The following KIFC1 variants were observed in gnomAD, a reference collection of about 807,000 sequenced individuals.
KIFC1 encodes kinesin-like protein KIFC1.
A neutral mutation model predicts 66.6 loss-of-function variants in KIFC1; 37 were observed. The ratio of observed to expected loss-of-function variants is 0.56; its 90% CI spans 0.43 to 0.73. The LOEUF is 0.73. Ranked by LOEUF, KIFC1 falls within the 30% of genes least tolerant of loss-of-function variation. KIFC1 has a pLI of 0.00. For synonymous variants in KIFC1, 325 were observed against 343.5 expected, an observed-to-expected ratio of 0.95 and a Z score of 0.60; for missense variants, 721 against 859.8, an observed-to-expected ratio of 0.84 and a Z score of 2.02.
chr6:33,402,852 T>C (rs375819493), intron 3 of KIFC1, among the ~76,000 whole-genome samples: 22 of 152,168 alleles, frequency 1.4e-4, no homozygotes, highest in African/African-American at 5.1e-4. Context: ...TTGGGCGTGG[T>C]GGCGCATACC....
chr6:33,408,990 A>C (rs1241989561), intron 10 of KIFC1, among the ~76,000 whole-genome samples: 1 of 152,110 alleles, frequency 6.6e-6, no homozygotes, highest in Non-Finnish European at 1.5e-5. Context: ...AACACGGTGA[A>C]ACCCCGTCTC....
intron 1 of KIFC1, 41 bp downstream of exon 1, chr6:33,392,038 G>A (rs1029619514): frequency 6.2e-7 from 1 of 1,608,460 alleles, no homozygotes; most frequent in South Asian, 1.1e-5. Flanking sequence ...TGGGGATGGG[G>A]ACGAAGGCTG....
chr6:33,409,705 CT>C lies in KIFC1; in HGVS notation c.*16del. On this transcript the variant is annotated 3_prime_UTR_variant, in exon 11 of 11. Coordinates refer to ENST00000428849, the MANE Select transcript of KIFC1 (RefSeq NM_002263.4). ...ACAGGAAGTGAAGACGGATCCAGAT[CT>C]GTGTGTGTGTGTGTGTGTGTGTGTG... 1.6e-6 allele frequency: 2 copies of C among 1,261,060 alleles called. No individual in the cohort carries two copies. The highest frequency in any genetic ancestry group is 2.2e-6 in the Non-Finnish European group (2 of 911,106). 78.1% of individuals were successfully genotyped at this position (1,261,060 alleles called of 1,614,324 possible). A position where few individuals can be genotyped will look rare whatever the true frequency, so the allele number is the denominator to read the frequency against.
chr6:33,405,732 T>G lies in KIFC1; in HGVS notation c.1536+101T>G. The stretch of plus-strand genomic sequence containing the variant: ...AAAGGAGCAAGAGAGAATTGAAGGA[T>G]GAAGTGCAAGTTATCAGGCTGGGTT... On this transcript the variant is annotated intron_variant, in intron 7 of 10. Coordinates refer to ENST00000428849, the MANE Select transcript of KIFC1 (RefSeq NM_002263.4). The surrounding 1 kb of genome is among the most constrained non-coding windows in gnomAD (Gnocchi z 5.4). 1 of 1,236,470 alleles carries G rather than the reference T, an allele frequency of 8.1e-7. No homozygotes were observed. Among genetic ancestry groups the G allele is most frequent in the South Asian group, 1.9e-5 (1 of 53,436 alleles). 76.6% of individuals were successfully genotyped at this position (1,236,470 alleles called of 1,614,324 possible).
At chr6:33,409,124 C>A (rs1165508908) in intron 10 of KIFC1, among the ~76,000 whole-genome samples, 1 of 152,152 alleles carries the variant, frequency 6.6e-6, no homozygotes, top group Non-Finnish European at 1.5e-5. Flanking sequence ...CGAGATCGCG[C>A]CACTGCACTC....
At chr6:33,391,792 C>T, upstream of KIFC1, 4 of 690,628 alleles carry the variant, frequency 5.8e-6, no homozygotes, top group Non-Finnish European at 1.0e-5. Flanking sequence ...TCCCTGCGTG[C>T]AGAGCGCGGT....
chr6:33,399,371 C>T (rs1275988036), intron 3 of KIFC1, among the ~76,000 whole-genome samples: 3 of 150,524 alleles, frequency 2.0e-5, no homozygotes, highest in Admixed American at 6.6e-5. Flanking sequence ...GAGCGAGACT[C>T]GGTCTCAAAA....
chr6:33,408,416 T>C (rs1277279887), intron 10 of KIFC1, among the ~76,000 whole-genome samples: 2 of 152,228 alleles, frequency 1.3e-5, no homozygotes, highest in Non-Finnish European at 2.9e-5. Context: ...ATTTACAAGC[T>C]CCTTATTGAC....
rs1368176352 is a variant in KIFC1, at chr6:33,400,887, C to T, written c.251-2427C>T. On this transcript the variant is annotated intron_variant, in intron 3 of 10. Transcript: ENST00000428849. The surrounding 1 kb of genome is among the most constrained non-coding windows in gnomAD (Gnocchi z 4.3). ...CAGGATGGTCTCGATCTCCTGACCT[C>T]GTGATCTGCCTGCCTCAGCTTCCCA... is the stretch of plus-strand genomic sequence containing the variant. Among the ~76,000 whole-genome samples, 1 of 152,202 alleles carries T rather than the reference C, an allele frequency of 6.6e-6. No homozygotes were observed. The highest frequency in any genetic ancestry group is 1.5e-5 in the Non-Finnish European group (1 of 68,030).
At position 33,403,973 on chromosome 6, in the gene KIFC1, G is replaced by A; in HGVS notation, c.600G>A (p.Glu200=). The A allele has an allele frequency of 1.9e-6, 3 of 1,614,246 alleles. No individual in the cohort carries two copies. The highest frequency in any genetic ancestry group is 2.5e-6 in the Non-Finnish European group (3 of 1,180,044). Residue 200 remains glutamate, a synonymous_variant, in exon 6 of 11, where the codon GAG becomes GAA. Coordinates refer to ENST00000428849, the MANE Select transcript of KIFC1 (RefSeq NM_002263.4). The surrounding 1 kb of genome is among the most constrained non-coding windows in gnomAD (Gnocchi z 4.6). The stretch of plus-strand genomic sequence containing the variant: ...TAGCCAAGGTACAGGCCCAGGCTGA[G>A]CAGGGCCAACAGGAGCTGAAGAACT... ...GHLAKVQAQA[E]QGQQELKNLR... is the part of the protein sequence containing the mutation.
chr6:33,405,709 A>G lies in KIFC1; in HGVS notation c.1536+78A>G. On this transcript the variant is annotated intron_variant, in intron 7 of 10. Coordinates refer to ENST00000428849, the MANE Select transcript of KIFC1 (RefSeq NM_002263.4). This position sits in a 1 kb window ranked among gnomAD's most constrained non-coding sequence, Gnocchi z 5.4. ...CCACGAGATGGAGGTAGAGGGAGAA[A>G]GGAGCAAGAGAGAATTGAAGGATGA... The G allele has an allele frequency of 7.5e-7, 1 of 1,339,086 alleles. No individual in the cohort carries two copies. The highest frequency in any genetic ancestry group is 1.7e-5 in the South Asian group (1 of 58,352). The allele number at this position is 1,339,086 out of a possible 1,614,324, so 83.0% of individuals were successfully genotyped here. A position where few individuals can be genotyped will look rare whatever the true frequency, so the allele number is the denominator to read the frequency against.
At chr6:33,396,165 TC>T (rs1448061022) in intron 1 of KIFC1, among the ~76,000 whole-genome samples, 2 of 152,194 alleles carry the variant, frequency 1.3e-5, no homozygotes, top group African/African-American at 4.8e-5. Flanking sequence ...TCTGTGAACT[TC>T]CTTGAGTAAA....
intron 3 of KIFC1, among the ~76,000 whole-genome samples, chr6:33,399,337 C>T (rs9278043): frequency 0.094 from 14,244 of 151,108 alleles, 961 homozygotes; most frequent in Middle Eastern, 0.17. Context: ...TGCAGTGAGC[C>T]GAGATTGTGC....
Position 33,405,194 on chromosome 6 carries a change from C to T in KIFC1, c.1099C>T (p.Pro367Ser). 1 of 1,614,184 alleles carries T rather than the reference C, an allele frequency of 6.2e-7. No homozygotes were observed. The highest frequency in any genetic ancestry group is 8.5e-7 in the Non-Finnish European group (1 of 1,180,040). Reference protein sequence around the residue: ...RGTLSGAPAPPTRHDFSFDRV... With the variant: ...RGTLSGAPAPSTRHDFSFDRV... ...GACCCTGAGTGGGGCACCAGCTCCC[C>T]CAACTCGCCATGATTTTTCCTTTGA... is the stretch of plus-strand genomic sequence containing the variant. Residue 367 changes from proline to serine, a missense_variant, in exon 7 of 11, where the codon CCA (proline) becomes TCA (serine). Coordinates refer to ENST00000428849, the MANE Select transcript of KIFC1 (RefSeq NM_002263.4). This position sits in a 1 kb window ranked among gnomAD's most constrained non-coding sequence, Gnocchi z 5.4.
chr6:33,400,154 T>A lies in KIFC1; in HGVS notation c.250+1767T>A. The A allele has an allele frequency of 1.6e-6, 2 of 1,250,290 alleles. No homozygotes were observed. The highest frequency in any genetic ancestry group is 2.3e-6 in the Non-Finnish European group (2 of 863,640). 77.4% of individuals were successfully genotyped at this position (1,250,290 alleles called of 1,614,324 possible). A position where few individuals can be genotyped will look rare whatever the true frequency, so the allele number is the denominator to read the frequency against. On this transcript the variant is annotated intron_variant, in intron 3 of 10. Transcript: ENST00000428849. This position sits in a 1 kb window ranked among gnomAD's most constrained non-coding sequence, Gnocchi z 4.3. ...ACATTACAGCCCATAGACTGGGCAG[T>A]CCCCGGAATCTCTTTAATGGTTCCA... is the stretch of plus-strand genomic sequence containing the variant.
At chr6:33,396,251 G>C (rs767018139) in intron 1 of KIFC1, among the ~76,000 whole-genome samples, 1 of 151,988 alleles carries the variant, frequency 6.6e-6, no homozygotes, top group African/African-American at 2.4e-5. Context: ...AATCCTGCTG[G>C]GTCCAGTGGC....
At position 33,406,890 on chromosome 6, in the gene KIFC1, C is replaced by T. The variant is rs376077175; in HGVS notation, c.1977+15C>T. On this transcript the variant is annotated intron_variant, in intron 10 of 10. Transcript: ENST00000428849. This position sits in a 1 kb window ranked among gnomAD's most constrained non-coding sequence, Gnocchi z 4.5. ...TTGCCTCCAAGGTGCGATTACCACC[C>T]GTCAGCCTTGTCAGGACCCGTGGGT... 73 of 1,613,940 alleles carry T rather than the reference C, an allele frequency of 4.5e-5. No individual in the cohort carries two copies. Among genetic ancestry groups the T allele is most frequent in the Non-Finnish European group, 5.6e-5 (66 of 1,179,964 alleles).
In KIFC1 at chr6:33,406,993, ATC is replaced by A; in HGVS notation, c.1977+120_1977+121del. The A allele has an allele frequency of 6.7e-6, 10 of 1,494,088 alleles. No homozygotes were observed. The highest frequency in any genetic ancestry group is 8.9e-6 in the Non-Finnish European group (10 of 1,119,916). The allele number at this position is 1,494,088 out of a possible 1,614,324, so 92.6% of individuals were successfully genotyped here. A position where few individuals can be genotyped will look rare whatever the true frequency, so the allele number is the denominator to read the frequency against. Reference sequence around the variant, plus strand: ...ATTTGTGCAGAAAGGTTTTGCAGGTATCTGAGGCACTGCTCACCTGGTTCCAT... The same window carrying A: ...ATTTGTGCAGAAAGGTTTTGCAGGTATGAGGCACTGCTCACCTGGTTCCAT... On this transcript the variant is annotated intron_variant, in intron 10 of 10. Transcript: ENST00000428849. This position sits in a 1 kb window ranked among gnomAD's most constrained non-coding sequence, Gnocchi z 4.5.
At chr6:33,394,280 T>C (rs937797838) in intron 1 of KIFC1, among the ~76,000 whole-genome samples, 2 of 152,090 alleles carry the variant, frequency 1.3e-5, no homozygotes, top group African/African-American at 2.4e-5. Flanking sequence ...AAAAAGTGAT[T>C]GGATTCTGGA....
Sources: allele counts gnomAD v4.1 joint callset (sites outside exome capture counted in the v4.1 genomes callset), GRCh38; gene constraint gnomAD v4.1.1; non-coding constraint Gnocchi (gnomAD v3.1); transcripts MANE v1.5; gene names NCBI Gene and HGNC (gene_info 2026-07-23, HGNC 2026-07-21).